LGSN: variants seen among roughly 807,000 people sequenced by gnomAD.
The protein encoded by LGSN is lengsin.
A neutral mutation model predicts 19.5 loss-of-function variants in LGSN; 21 were observed. The observed-to-expected ratio is 1.07, with a 90% CI of 0.76 to 1.55. LGSN has a LOEUF of 1.55. Among genes scored for constraint, LGSN ranks in the 40% most tolerant of loss-of-function variants. The pLI, the probability that LGSN is intolerant of heterozygous loss-of-function variation, is 0.00. For synonymous variants in LGSN, 257 were observed against 215.6 expected (o/e 1.19, Z -1.68); for missense variants, 673 against 608.5 (o/e 1.11, Z -1.12).
At chr6:63,529,093 A>ATATATATATGTGTGTATACATATATATG in the LGSN span, among the ~76,000 whole-genome samples, 4 of 141,772 alleles carry the variant, frequency 2.8e-5, no homozygotes, top group Admixed American at 1.4e-4. Flanking sequence ...CCATCTCAAA[A>ATATATATATGTGTGTATACATATATATG]TATATATATG....
At chr6:63,359,393 G>A in the LGSN span, among the ~76,000 whole-genome samples, 1 of 152,154 alleles carries the variant, frequency 6.6e-6, no homozygotes, top group African/African-American at 2.4e-5. Context: ...GATTGGAAAA[G>A]TTTCAGAAGG....
the LGSN span, among the ~76,000 whole-genome samples, chr6:63,408,213 C>T: frequency 6.6e-6 from 1 of 152,048 alleles, no homozygotes; most frequent in Non-Finnish European, 1.5e-5. Context: ...AAAGAGCCCA[C>T]ATCGCCAAGT....
chr6:63,290,543 A>T (rs1426540414), intron 2 of LGSN, among the ~76,000 whole-genome samples: 1 of 152,208 alleles, frequency 6.6e-6, no homozygotes, highest in Non-Finnish European at 1.5e-5. Context: ...AAAAATCTTG[A>T]GTTCAAATTT....
chr6:63,285,555 A>C, intron 3 of LGSN, 32 bp downstream of exon 3: 1 of 1,557,456 alleles, frequency 6.4e-7, no homozygotes, highest in East Asian at 2.3e-5. Flanking sequence ...TGGTCATGAA[A>C]TTACATTTAG....
chr6:63,490,912 A>G, the LGSN span, among the ~76,000 whole-genome samples: 3 of 152,188 alleles, frequency 2.0e-5, no homozygotes, highest in African/African-American at 4.8e-5. Context: ...ATCCAAGGGC[A>G]GGAAAAGACA....
chr6:63,563,718 G>A, the LGSN span, among the ~76,000 whole-genome samples: 1 of 152,186 alleles, frequency 6.6e-6, no homozygotes. Flanking sequence ...AAGGAGGGAA[G>A]GTTGACAGCC....
chr6:63,315,901 G>C (rs1768831047), intron 1 of LGSN, among the ~76,000 whole-genome samples: 1 of 150,270 alleles, frequency 6.7e-6, no homozygotes, highest in Admixed American at 6.6e-5. Context: ...CACATTTCAA[G>C]TGAGAGTTCA....
intron 1 of LGSN, among the ~76,000 whole-genome samples, chr6:63,301,519 G>C (rs1422853959): frequency 6.6e-6 from 1 of 152,006 alleles, no homozygotes; most frequent in Non-Finnish European, 1.5e-5. Flanking sequence ...GCTATAAAAA[G>C]GATTATGGAA....
the LGSN span, among the ~76,000 whole-genome samples, chr6:63,511,246 C>CTTTTTTT: frequency 5.3e-5 from 7 of 131,480 alleles, no homozygotes; most frequent in East Asian, 2.4e-4. Flanking sequence ...AAATAGATTT[C>CTTTTTTT]TTTTTTTTTT....
the LGSN span, among the ~76,000 whole-genome samples, chr6:63,382,220 A>G: frequency 2.5e-4 from 38 of 152,244 alleles, no homozygotes; most frequent in East Asian, 1.9e-3. Flanking sequence ...ACATTTTTAT[A>G]TAGACTCAAA....
chr6:63,379,187 T>C, the LGSN span, among the ~76,000 whole-genome samples: 2 of 152,060 alleles, frequency 1.3e-5, no homozygotes, highest in Middle Eastern at 3.4e-3. Flanking sequence ...GCCCCCCCCT[T>C]TTTTTTAAAG....
intron 1 of LGSN, among the ~76,000 whole-genome samples, chr6:63,305,324 A>C (rs1254052193): frequency 6.6e-6 from 1 of 152,122 alleles, no homozygotes; most frequent in Non-Finnish European, 1.5e-5. Flanking sequence ...GAGACCAAAT[A>C]AGTCCATTTA....
the LGSN span, among the ~76,000 whole-genome samples, chr6:63,458,748 G>A: frequency 6.6e-6 from 1 of 152,256 alleles, no homozygotes; most frequent in Non-Finnish European, 1.5e-5. Context: ...AACTAACCAG[G>A]TGTATGTTTT....
chr6:63,345,691 T>C, the LGSN span, among the ~76,000 whole-genome samples: 1 of 152,178 alleles, frequency 6.6e-6, no homozygotes, highest in Non-Finnish European at 1.5e-5. Flanking sequence ...AACCTTCTGC[T>C]TACATCCCAC....
At chr6:63,329,114 T>G in the LGSN span, among the ~76,000 whole-genome samples, 6 of 152,312 alleles carry the variant, frequency 3.9e-5, no homozygotes, top group Non-Finnish European at 7.3e-5. Flanking sequence ...GCACGAGGCT[T>G]CTGAACTGGT....
chr6:63,338,468 G>A, the LGSN span, among the ~76,000 whole-genome samples: 1 of 152,184 alleles, frequency 6.6e-6, no homozygotes, highest in East Asian at 1.9e-4. Flanking sequence ...TTTCTTAATA[G>A]GTTTTCCAAT....
the LGSN span, among the ~76,000 whole-genome samples, chr6:63,364,395 A>C: frequency 1.3e-5 from 2 of 152,224 alleles, no homozygotes; most frequent in African/African-American, 4.8e-5. Flanking sequence ...ACTATCCTAA[A>C]TATATATGCG....
At chr6:63,571,218 C>T in the LGSN span, 3 of 152,216 alleles carry the variant, frequency 2.0e-5, no homozygotes, top group South Asian at 6.2e-4. Context: ...AGTTGAATAA[C>T]TATACAACCA....
At chr6:63,567,110 C>A in the LGSN span, among the ~76,000 whole-genome samples, 1 of 152,318 alleles carries the variant, frequency 6.6e-6, no homozygotes, top group East Asian at 1.9e-4. Context: ...CCACTGAAGT[C>A]TTGAACGCCC....
Sources: gnomAD v4.1 joint callset for allele counts (sites outside exome capture counted in the v4.1 genomes callset) on GRCh38, gnomAD v4.1.1 for gene constraint, MANE v1.5 for transcripts, NCBI Gene and HGNC (gene_info 2026-07-23, HGNC 2026-07-21) for gene names.